Variants in MZF1 observed in about 807,000 individuals in gnomAD.
MZF1 encodes zinc finger and SCAN domain-containing protein 6.
A neutral mutation model predicts 28.6 loss-of-function variants in MZF1; 24 were observed. The ratio of observed to expected loss-of-function variants is 0.84; its 90% CI spans 0.61 to 1.18. The LOEUF (loss-of-function observed/expected upper bound fraction) is 1.18, where lower values mean the gene tolerates loss of function less well. Ranked by LOEUF, MZF1 falls within the 50% of genes most tolerant of loss-of-function variation. The pLI, the probability that MZF1 is intolerant of heterozygous loss-of-function variation, is 0.00. For missense variants in MZF1, 1,166 were observed against 1,026.4 expected, an observed-to-expected ratio of 1.14 and a Z score of -1.86; for synonymous variants, 516 against 432.5, an observed-to-expected ratio of 1.19 and a Z score of -2.40.
rs773767270 is a variant in MZF1, at chr19:58,571,087, C to A, written c.303G>T (p.Gln101His). 6.2e-7 allele frequency: 1 copy of A among 1,613,806 alleles called. No homozygotes were observed. The highest frequency in any genetic ancestry group is 1.1e-5 in the South Asian group (1 of 91,088). ...QFLGALPPEI[Q>H]ARVQGQRPGS... is the part of the protein sequence containing the mutation. ...CTGGCCGCTGCCCCTGCACACGGGC[C>A]TGGATCTCAGGGGGCAGTGCGCCCA... The change falls in exon 2 of 6, where the codon CAG becomes CAT. Residue 101 changes from glutamine to histidine, a missense_variant. Coordinates refer to ENST00000215057, the MANE Select transcript of MZF1 (RefSeq NM_198055.2).
intron 2 of MZF1, 176 bp downstream of exon 2, chr19:58,570,818 G>A (rs1391292812): frequency 2.8e-6 from 2 of 704,124 alleles, no homozygotes. Flanking sequence ...ATGGGCTGGG[G>A]AGTCTGGCCC....
intron 5 of MZF1, among the ~76,000 whole-genome samples, chr19:58,566,405 C>T (rs1385961816): frequency 6.6e-6 from 1 of 152,046 alleles, no homozygotes; most frequent in African/African-American, 2.4e-5. Flanking sequence ...CGAGATCGCG[C>T]CATTGCACTC....
chr19:58,562,425 T>C lies in MZF1; in HGVS notation c.1852A>G (p.Thr618Ala), dbSNP rs1224194823. The change falls in exon 6 of 6, where the codon ACA becomes GCA. Residue 618 changes from threonine to alanine, a missense_variant. Coordinates refer to ENST00000215057, the MANE Select transcript of MZF1 (RefSeq NM_198055.2). ...QRLKLTRHQR[T>A]HTGEKPYHCG... is the part of the protein sequence containing the mutation. ...TGGTAGGGCTTTTCGCCGGTGTGTG[T>C]CCTCTGATGACGCGTGAGCTTGAGG... The C allele has an allele frequency of 6.2e-7, 1 of 1,610,576 alleles. No individual in the cohort carries two copies. Among genetic ancestry groups the C allele is most frequent in the African/African-American group, 1.3e-5 (1 of 74,682 alleles).
At chr19:58,563,541 T>C in intron 5 of MZF1, 37 bp from the exon 6 acceptor site, 1 of 1,463,180 alleles carries the variant, frequency 6.8e-7, no homozygotes, top group East Asian at 2.5e-5. Flanking sequence ...CATGACAGAA[T>C]GCCCACCGTG....
rs755736289 is a variant in MZF1 at position 58,562,271 on chromosome 19, G to A, written c.2006C>T (p.Thr669Ile). The change falls in exon 6 of 6, where the codon ACC (threonine) becomes ATC (isoleucine). Residue 669 changes from threonine to isoleucine, a missense_variant. Coordinates refer to ENST00000215057, the MANE Select transcript of MZF1 (RefSeq NM_198055.2). ...GQSFRQHANL[T>I]QHRRIHTGER... ...ACCCGTGTGGATGCGCCGGTGCTGG[G>A]TGAGGTTGGCGTGCTGCCGAAAGCT... The A allele has an allele frequency of 6.2e-7, 1 of 1,605,502 alleles. No individual in the cohort carries two copies. The highest frequency in any genetic ancestry group is 8.5e-7 in the Non-Finnish European group (1 of 1,177,182).
chr19:58,565,765 C>A (rs2054040109), intron 5 of MZF1, among the ~76,000 whole-genome samples: 1 of 148,060 alleles, frequency 6.8e-6, no homozygotes, highest in East Asian at 2.1e-4. Context: ...ATCTCCTGAC[C>A]TCGTGATCCG....
chr19:58,562,773 C>T lies in MZF1; in HGVS notation c.1504G>A (p.Glu502Lys), dbSNP rs1015134616. 7.8e-6 allele frequency: 12 copies of T among 1,535,138 alleles called. No individual in the cohort carries two copies. The highest frequency in any genetic ancestry group is 1.0e-5 in the Non-Finnish European group (12 of 1,146,696). Residue 502 changes from glutamate (E) to lysine (K), a missense_variant, in exon 6 of 6, where the codon GAG (glutamate) becomes AAG (lysine). Physicochemically the swap from Glu to Lys is moderately conservative, Grantham distance 56. Coordinates refer to ENST00000215057, the MANE Select transcript of MZF1 (RefSeq NM_198055.2). Reference protein sequence around the residue: ...ESFARRAVLLEHQAVHTGDKS... With the variant: ...ESFARRAVLLKHQAVHTGDKS... ...TCGCCCGTGTGTACCGCCTGGTGCTCCAGCAGCACGGCGCGCCGCGCGAAG... is the reference window on the plus strand; with the variant it reads ...TCGCCCGTGTGTACCGCCTGGTGCTTCAGCAGCACGGCGCGCCGCGCGAAG...
Position 58,571,019 on chromosome 19 carries a change from C to T in MZF1, c.371G>A (p.Arg124Gln), listed in dbSNP as rs551463835. Residue 124 changes from arginine to glutamine, a missense_variant, in exon 2 of 6, where the codon CGG (arginine) becomes CAG (glutamine). Physicochemically the swap from Arg to Gln is conservative, Grantham distance 43. Coordinates refer to ENST00000215057, the MANE Select transcript of MZF1 (RefSeq NM_198055.2). Reference protein sequence around the residue: ...EAAALVDGLRREPGGPRRWVT... With the variant: ...EAAALVDGLRQEPGGPRRWVT... ...CCATCTCCGGGGTCCGCCCGGCTCC[C>T]GGCGCAGCCCATCTACTAGGGCAGC... 2.7e-5 allele frequency: 43 copies of T among 1,609,840 alleles called. No homozygotes were observed. The highest frequency in any genetic ancestry group is 3.3e-4 in the Middle Eastern group (2 of 6,042).
intron 5 of MZF1, among the ~76,000 whole-genome samples, chr19:58,565,678 G>C (rs916695929): frequency 6.6e-6 from 1 of 151,530 alleles, no homozygotes. Flanking sequence ...GACTACAGGC[G>C]CCCGCCACCA....
chr19:58,563,592 A>G (rs2053982185), intron 5 of MZF1, 88 bp from the exon 6 acceptor site: 1 of 1,157,820 alleles, frequency 8.6e-7, no homozygotes, highest in South Asian at 1.6e-5. Flanking sequence ...TGTGAACTAC[A>G]GGGACCTGAA....
chr19:58,569,646 A>G, intron 3 of MZF1, 60 bp from the exon 4 acceptor site: 1 of 1,407,254 alleles, frequency 7.1e-7, no homozygotes. Context: ...TGCCCTTCTT[A>G]GTGGTGTGCC....
rs2053956212 is a variant in MZF1, at chr19:58,562,748, T to G, written c.1529A>C (p.Asp510Ala). Residue 510 changes from aspartate to alanine, a missense_variant, in exon 6 of 6, where the codon GAC (aspartate) becomes GCC (alanine). Asp to Ala is a moderately radical substitution (Grantham distance 126, BLOSUM62 -2). Transcript: ENST00000215057. ...GCACTCGACGCAGCCAAAGGACTTG[T>G]CGCCCGTGTGTACCGCCTGGTGCTC... is the stretch of plus-strand genomic sequence containing the variant. ...LLEHQAVHTGDKSFGCVECGE... is the reference protein window; with the variant it reads ...LLEHQAVHTGAKSFGCVECGE... 1 of 1,536,276 alleles carries G rather than the reference T, an allele frequency of 6.5e-7. No homozygotes were observed. The highest frequency in any genetic ancestry group is 8.7e-7 in the Non-Finnish European group (1 of 1,147,372).
In MZF1 at chr19:58,564,902, GTT is replaced by G. The variant is rs71190056; in HGVS notation, c.773-1400_773-1399del. ...GTGGAGAATAAGCATCCATGTGTGTGTTTTTTTTTTTTTTTTTTTTTTTTTTT... is the reference window on the plus strand; with the variant it reads ...GTGGAGAATAAGCATCCATGTGTGTGTTTTTTTTTTTTTTTTTTTTTTTTT... On this transcript the variant is annotated intron_variant, in intron 5 of 5. Transcript: ENST00000215057. Among the ~76,000 whole-genome samples the G allele has an allele frequency of 1.2e-3, 49 of 41,980 alleles. 1 individual carries two copies. Among genetic ancestry groups the G allele is most frequent in the African/African-American group, 1.3e-3 (18 of 13,674 alleles). 27.5% of individuals were successfully genotyped at this position (41,980 alleles called of 152,430 possible).
rs768313388 is a variant in MZF1 at position 58,571,077 on chromosome 19, G to T, written c.313C>A (p.Gln105Lys). 20 of 1,613,642 alleles carry T rather than the reference G, an allele frequency of 1.2e-5. No individual in the cohort carries two copies. In the Admixed American group the frequency reaches 3.3e-4, roughly 27 times the overall value. The change falls in exon 2 of 6, where the codon CAG becomes AAG. Residue 105 changes from glutamine (Q) to lysine (K), a missense_variant. Coordinates refer to ENST00000215057, the MANE Select transcript of MZF1 (RefSeq NM_198055.2). ...TCGGGGCTGCCTGGCCGCTGCCCCT[G>T]CACACGGGCCTGGATCTCAGGGGGC... ...ALPPEIQARV[Q>K]GQRPGSPEEA...
intron 3 of MZF1, 48 bp downstream of exon 3, chr19:58,570,296 T>C: frequency 6.5e-7 from 1 of 1,539,774 alleles, no homozygotes; most frequent in Non-Finnish European, 8.8e-7. Context: ...CCAGGTTCCC[T>C]GGCCCACCCA....
At chr19:58,567,253 G>A (rs1013410493) in intron 5 of MZF1, among the ~76,000 whole-genome samples, 1 of 152,164 alleles carries the variant, frequency 6.6e-6, no homozygotes, top group Non-Finnish European at 1.5e-5. Flanking sequence ...TGGTACTTCT[G>A]GCCATGCAAG....
At position 58,570,507 on chromosome 19, in the gene MZF1, G is replaced by C. The variant is rs772051269; in HGVS notation, c.417C>G (p.Gly139=). ...CCATCTTCTCTGATAGGACCTCCTG[G>C]CCCTGCACCTGGACTGTGACCTGGG... ...PRRWVTVQVQ[G]QEVLSEKMEP... The change falls in exon 3 of 6, where the codon GGC becomes GGG. Residue 139 remains glycine (G), a synonymous_variant. Coordinates refer to ENST00000215057, the MANE Select transcript of MZF1 (RefSeq NM_198055.2). The C allele has an allele frequency of 1.2e-6, 2 of 1,613,232 alleles. No individual in the cohort carries two copies. Among genetic ancestry groups the C allele is most frequent in the East Asian group, 4.5e-5 (2 of 44,874 alleles).
chr19:58,564,580 C>T (rs889635845), intron 5 of MZF1: 1 of 152,266 alleles, frequency 6.6e-6, no homozygotes, highest in African/African-American at 2.4e-5. Flanking sequence ...TTTCCACACC[C>T]TGACTGCAGG....
Position 58,562,566 on chromosome 19 carries a change from A to C in MZF1, c.1711T>G (p.Cys571Gly). 6.3e-7 allele frequency: 1 copy of C among 1,599,558 alleles called. No individual in the cohort carries two copies. The highest frequency in any genetic ancestry group is 8.5e-7 in the Non-Finnish European group (1 of 1,175,022). ...RIHTGERPFA[C>G]AECGKAFRQR... ...CGGAAGGCCTTGCCACACTCGGCGC[A>C]GGCGAAGGGCCGCTCCCCGGTGTGG... Residue 571 changes from cysteine (C) to glycine (G), a missense_variant, in exon 6 of 6, where the codon TGC becomes GGC. Physicochemically the swap from Cys to Gly is radical, Grantham distance 159. Transcript: ENST00000215057.
Sources: gnomAD v4.1 joint callset for allele counts (sites outside exome capture counted in the v4.1 genomes callset) on GRCh38, gnomAD v4.1.1 for gene constraint, MANE v1.5 for transcripts, NCBI Gene and HGNC (gene_info 2026-07-23, HGNC 2026-07-21) for gene names.